Variants in PIAS1 observed in about 807,000 individuals in gnomAD.
The protein encoded by PIAS1 is E3 SUMO-protein ligase PIAS1.
Under a neutral mutation model 71.3 loss-of-function variants are expected in PIAS1, and 6 were observed. That is an observed-to-expected ratio of 0.08 (90% CI 0.05 to 0.17). PIAS1 has a LOEUF of 0.17. PIAS1 is among the 10% of genes least tolerant of loss of function. The pLI is 1.00. For synonymous variants in PIAS1, 303 were observed against 292.9 expected (o/e 1.03, Z -0.35); for missense variants, 555 against 793.6 (o/e 0.70, Z 3.61).
At chr15:68,094,343 A>C (rs2092356853) in intron 2 of PIAS1, among the ~76,000 whole-genome samples, 1 of 151,876 alleles carries the variant, frequency 6.6e-6, no homozygotes, top group Non-Finnish European at 1.5e-5. Context: ...AGGCTTGAGA[A>C]GATGTAGAAA....
At position 68,185,741 on chromosome 15, in the gene PIAS1, A is replaced by G. The variant is rs2093083229; in HGVS notation, c.1663-1801A>G. On this transcript the variant is annotated intron_variant, in intron 13 of 13. Transcript: ENST00000249636. The surrounding 1 kb of genome is among the most constrained non-coding windows in gnomAD (Gnocchi z 4.4). ...CACTTTGGGAGGCCAAAGCGGGTAG[A>G]TCATGAGGTCAGGAGTTCGAGACCA... 6.6e-6 allele frequency among the ~76,000 whole-genome samples: 1 copy of G among 152,088 alleles called. No individual in the cohort carries two copies. The highest frequency in any genetic ancestry group is 6.5e-5 in the Admixed American group (1 of 15,268).
chr15:68,190,785 A>ATG lies in PIAS1; in HGVS notation c.*2951_*2952dup, dbSNP rs1018203522. 6.6e-5 allele frequency: 10 copies of ATG among 152,142 alleles called. No individual in the cohort carries two copies. The highest frequency in any genetic ancestry group is 2.0e-4 in the Admixed American group (3 of 15,270). 9.4% of individuals were successfully genotyped at this position (152,142 alleles called of 1,614,324 possible). The stretch of plus-strand genomic sequence containing the variant: ...AAAAAAAAAAATCTGAACCAGAACC[A>ATG]TGCCATACTTGGTTGACTATTTTGA... On this transcript the variant is annotated 3_prime_UTR_variant, in exon 14 of 14. Transcript: ENST00000249636. This position sits in a 1 kb window ranked among gnomAD's most constrained non-coding sequence, Gnocchi z 4.7.
intron 1 of PIAS1, among the ~76,000 whole-genome samples, chr15:68,077,505 G>A (rs1468027444): frequency 6.6e-6 from 1 of 152,230 alleles, no homozygotes; most frequent in Non-Finnish European, 1.5e-5. Context: ...ACTTTAAAGG[G>A]AACTTTCAAT....
chr15:68,135,581 C>A (rs1337569948), intron 2 of PIAS1, among the ~76,000 whole-genome samples: 2 of 52,002 alleles, frequency 3.8e-5, no homozygotes, highest in South Asian at 9.5e-4. Flanking sequence ...GGCAGAGGCG[C>A]CCCTCACCTC....
intron 2 of PIAS1, among the ~76,000 whole-genome samples, chr15:68,097,144 C>T (rs1211868145): frequency 3.9e-5 from 6 of 152,156 alleles, no homozygotes; most frequent in African/African-American, 1.4e-4. Flanking sequence ...GTCTTTTCTA[C>T]ATCCATTCAG....
In PIAS1 at chr15:68,191,166, G is replaced by A. The variant is rs1470221168; in HGVS notation, c.*3331G>A. On this transcript the variant is annotated 3_prime_UTR_variant, in exon 14 of 14. Coordinates refer to ENST00000249636, the MANE Select transcript of PIAS1 (RefSeq NM_016166.3). ...GGAAAATAGCTGGTGGTCCCAGAGT[G>A]TGCTGCTGTTAATTGTTTAACAAAG... The A allele has an allele frequency of 6.5e-6, 1 of 152,742 alleles. No individual in the cohort carries two copies. Among genetic ancestry groups the A allele is most frequent in the East Asian group, 1.9e-4 (1 of 5,194 alleles). The allele number at this position is 152,742 out of a possible 1,614,324, so 9.5% of individuals were successfully genotyped here.
In PIAS1 at chr15:68,186,313, C is replaced by G. The variant is rs531603653; in HGVS notation, c.1663-1229C>G. Among the ~76,000 whole-genome samples the G allele has an allele frequency of 6.6e-6, 1 of 151,992 alleles. No individual in the cohort carries two copies. The highest frequency in any genetic ancestry group is 2.1e-4 in the South Asian group (1 of 4,816). The stretch of plus-strand genomic sequence containing the variant: ...GCCTAGGCTAATGTGTTGTGTGTGT[C>G]ATTTTTAACAAAAAAGTTAAAAAGT... On this transcript the variant is annotated intron_variant, in intron 13 of 13. Transcript: ENST00000249636. This position sits in a 1 kb window ranked among gnomAD's most constrained non-coding sequence, Gnocchi z 4.4.
At chr15:68,112,106 C>T (rs1391672502) in intron 2 of PIAS1, among the ~76,000 whole-genome samples, 7 of 152,140 alleles carry the variant, frequency 4.6e-5, no homozygotes, top group African/African-American at 1.7e-4. Context: ...ACCTTATGCC[C>T]ATGTGCCTAC....
At chr15:68,179,681 T>G (rs1422574496) in intron 11 of PIAS1, among the ~76,000 whole-genome samples, 2 of 147,498 alleles carry the variant, frequency 1.4e-5, no homozygotes, top group Admixed American at 1.4e-4. Flanking sequence ...GTTCAAGTGA[T>G]TCTCCTGCCT....
chr15:68,135,218 A>C (rs370671358), intron 2 of PIAS1, among the ~76,000 whole-genome samples: 4,358 of 15,750 alleles, frequency 0.28, 131 homozygotes, highest in African/African-American at 0.33. Flanking sequence ...CCCTCCCGGA[A>C]GGGGTGGCTG....
In PIAS1 at chr15:68,176,548, G is replaced by A; in HGVS notation, c.1375G>A (p.Val459Met). Reference protein sequence around the residue: ...QSSNKNKKVEVIDLTIDSSSD... With the variant: ...QSSNKNKKVEMIDLTIDSSSD... The stretch of plus-strand genomic sequence containing the variant: ...CTCAAATAAAAACAAGAAAGTAGAA[G>A]TGATTGACCTAACCATAGACAGTTC... Residue 459 changes from valine to methionine, a missense_variant, in exon 11 of 14, where the codon GTG (valine) becomes ATG (methionine). Coordinates refer to ENST00000249636, the MANE Select transcript of PIAS1 (RefSeq NM_016166.3). 1 of 1,613,158 alleles carries A rather than the reference G, an allele frequency of 6.2e-7. No individual in the cohort carries two copies. Among genetic ancestry groups the A allele is most frequent in the Non-Finnish European group, 8.5e-7 (1 of 1,179,486 alleles).
intron 8 of PIAS1, among the ~76,000 whole-genome samples, chr15:68,165,705 A>G (rs1305593070): frequency 2.6e-5 from 4 of 152,236 alleles, no homozygotes; most frequent in African/African-American, 9.6e-5. Flanking sequence ...AAAAAATGTT[A>G]TACTAATCTG....
rs757018985 is a variant in PIAS1, at chr15:68,145,917, A to C, written c.693+11A>C. On this transcript the variant is annotated intron_variant, in intron 5 of 13. Coordinates refer to ENST00000249636, the MANE Select transcript of PIAS1 (RefSeq NM_016166.3). ...CCTTGCAGCCTTCCAGTAAGTCCTA[A>C]GAGCTGTTTTTTAAAATTCATTGCC... The C allele has an allele frequency of 6.6e-7, 1 of 1,525,752 alleles. No individual in the cohort carries two copies. Among genetic ancestry groups the C allele is most frequent in the East Asian group, 2.3e-5 (1 of 44,422 alleles). 94.5% of individuals were successfully genotyped at this position (1,525,752 alleles called of 1,614,324 possible).
chr15:68,092,652 C>G (rs754829850), intron 2 of PIAS1, among the ~76,000 whole-genome samples: 1 of 152,130 alleles, frequency 6.6e-6, no homozygotes, highest in Non-Finnish European at 1.5e-5. Context: ...GTAATGAGGG[C>G]GTGGCCCTTA....
At chr15:68,064,556 T>C (rs1193562777) in intron 1 of PIAS1, among the ~76,000 whole-genome samples, 4 of 152,266 alleles carry the variant, frequency 2.6e-5, no homozygotes, top group African/African-American at 7.2e-5. Context: ...GAAATATTCA[T>C]TGATACGGTT....
Position 68,173,727 on chromosome 15 carries a change from T to A in PIAS1, c.1009-5T>A, listed in dbSNP as rs914508212. The A allele has an allele frequency of 2.0e-6, 3 of 1,516,672 alleles. No homozygotes were observed. Among genetic ancestry groups the A allele is most frequent in the African/African-American group, 2.8e-5 (2 of 71,936 alleles). 94.0% of individuals were successfully genotyped at this position (1,516,672 alleles called of 1,614,324 possible). A position where few individuals can be genotyped will look rare whatever the true frequency, so the allele number is the denominator to read the frequency against. ...CTAATATTTACTTTTTCTCCCTTTT[T>A]AAAGCTTGGTAAAATGCGGCTGACA... is the stretch of plus-strand genomic sequence containing the variant. On this transcript the variant is annotated splice_region_variant and splice_polypyrimidine_tract_variant and intron_variant, in intron 8 of 13. Transcript: ENST00000249636. This position sits in a 1 kb window ranked among gnomAD's most constrained non-coding sequence, Gnocchi z 4.3.
intron 6 of PIAS1, among the ~76,000 whole-genome samples, chr15:68,150,329 A>G (rs1051996266): frequency 5.3e-5 from 8 of 152,066 alleles, no homozygotes; most frequent in Non-Finnish European, 8.8e-5. Flanking sequence ...GAGGGGGGAA[A>G]TACTCTTCCA....
intron 7 of PIAS1, among the ~76,000 whole-genome samples, chr15:68,161,275 A>G (rs769983140): frequency 6.6e-6 from 1 of 152,234 alleles, no homozygotes; most frequent in Non-Finnish European, 1.5e-5. Flanking sequence ...AAAACTACAA[A>G]GCATGGTTGA....
intron 2 of PIAS1, among the ~76,000 whole-genome samples, chr15:68,133,421 T>A (rs1314745966): frequency 6.6e-6 from 1 of 152,018 alleles, no homozygotes; most frequent in East Asian, 1.9e-4. Flanking sequence ...ATTTGGAAAT[T>A]CATCTAGATG....
Sources: allele counts gnomAD v4.1 joint callset (sites outside exome capture counted in the v4.1 genomes callset), GRCh38; gene constraint gnomAD v4.1.1; non-coding constraint Gnocchi (gnomAD v3.1); transcripts MANE v1.5; gene names NCBI Gene and HGNC (gene_info 2026-07-23, HGNC 2026-07-21).